Variants in CCDC91 observed in about 807,000 individuals in gnomAD.
CCDC91 encodes coiled-coil domain-containing protein 91.
CCDC91 carries 48 observed loss-of-function variants against 63.2 expected under a neutral mutation model. The ratio of observed to expected loss-of-function variants is 0.76; its 90% CI spans 0.60 to 0.97. The LOEUF (loss-of-function observed/expected upper bound fraction) is 0.97. Among genes scored for constraint, CCDC91 ranks in the 50% least tolerant of loss-of-function variants. CCDC91 has a pLI of 0.00. For synonymous variants in CCDC91, 167 were observed against 165.8 expected (o/e 1.01, Z -0.06); for missense variants, 500 against 494.6 (o/e 1.01, Z -0.10).
chr12:28,396,684 A>ATG (rs1319461387), intron 8 of CCDC91, among the ~76,000 whole-genome samples: 4 of 149,354 alleles, frequency 2.7e-5, no homozygotes, highest in Non-Finnish European at 4.5e-5. Context: ...GTGTGTGGGC[A>ATG]TGTGTGTGTG....
intron 1 of CCDC91, among the ~76,000 whole-genome samples, chr12:28,213,993 C>T (rs1943405234): frequency 1.3e-5 from 2 of 152,066 alleles, no homozygotes; most frequent in South Asian, 4.1e-4. Context: ...ATTCATGGAT[C>T]CAAGAATCAA....
At position 28,534,453 on chromosome 12, in the gene CCDC91, G is replaced by A. The variant is rs1941992240; in HGVS notation, c.1216-14610G>A. ...AGTAAGGTGAAGTTCTACAAGGCAA[G>A]GAAATGCCAGTCAAGCTTTCTTTGC... On this transcript the variant is annotated intron_variant, in intron 12 of 12. Transcript: ENST00000536442. Among the ~76,000 whole-genome samples the A allele has an allele frequency of 6.6e-5, 10 of 152,268 alleles. No homozygotes were observed. The South Asian group carries it at 2.1e-3, about 32-fold the overall frequency.
At chr12:28,265,904 C>G (rs903812229) in intron 3 of CCDC91, among the ~76,000 whole-genome samples, 1 of 151,998 alleles carries the variant, frequency 6.6e-6, no homozygotes, top group African/African-American at 2.4e-5. Context: ...TTACATTAGA[C>G]ATTTTTGTCA....
intron 6 of CCDC91, among the ~76,000 whole-genome samples, chr12:28,331,243 A>G (rs570076129): frequency 2.7e-4 from 41 of 152,342 alleles, no homozygotes; most frequent in Admixed American, 8.5e-4. Context: ...GCCCCACAGT[A>G]TGTTTAAATA....
chr12:28,307,836 AT>A, intron 6 of CCDC91, 87 bp downstream of exon 6: 1 of 716,988 alleles, frequency 1.4e-6, no homozygotes, highest in Non-Finnish European at 2.4e-6. Context: ...TGAATATCTT[AT>A]GAATGAAGAA....
At chr12:28,247,898 T>C (rs1202592517) in intron 1 of CCDC91, among the ~76,000 whole-genome samples, 2 of 152,184 alleles carry the variant, frequency 1.3e-5, no homozygotes, top group Non-Finnish European at 2.9e-5. Flanking sequence ...ATCCCTCATA[T>C]GCACAGTTCA....
chr12:28,341,666 T>C (rs1942434538), intron 6 of CCDC91, among the ~76,000 whole-genome samples: 1 of 152,198 alleles, frequency 6.6e-6, no homozygotes, highest in Admixed American at 6.5e-5. Context: ...TTGAAAACTA[T>C]AGTTCTGTGT....
chr12:28,254,264 A>G (rs1419575847), intron 1 of CCDC91, among the ~76,000 whole-genome samples: 4 of 152,200 alleles, frequency 2.6e-5, no homozygotes, highest in Non-Finnish European at 4.4e-5. Flanking sequence ...AATGAAGTAT[A>G]CACCTGTCTT....
intron 3 of CCDC91, among the ~76,000 whole-genome samples, chr12:28,271,252 G>A (rs1319818160): frequency 6.6e-6 from 1 of 152,008 alleles, no homozygotes; most frequent in East Asian, 1.9e-4. Context: ...TTAACTTTTG[G>A]CAATGTAGAT....
At chr12:28,298,644 A>T (rs1414688418) in intron 3 of CCDC91, among the ~76,000 whole-genome samples, 2 of 150,242 alleles carry the variant, frequency 1.3e-5, no homozygotes, top group Non-Finnish European at 3.0e-5. Flanking sequence ...CAATTTCATA[A>T]TTTTTCTTCT....
chr12:28,380,789 T>C lies in CCDC91; in HGVS notation c.655-10515T>C, dbSNP rs192252102. On this transcript the variant is annotated intron_variant, in intron 7 of 12. Coordinates refer to ENST00000536442, the MANE Select transcript of CCDC91 (RefSeq NM_018318.5). ...CAATATAATGTCAATTATTTAGTTT[T>C]TAGTCTTTCATTATTCTAATGAACT... Among the ~76,000 whole-genome samples the C allele has an allele frequency of 2.0e-5, 3 of 152,284 alleles. No individual in the cohort carries two copies. In the East Asian group the frequency reaches 5.8e-4, roughly 29 times the overall value.
intron 6 of CCDC91, among the ~76,000 whole-genome samples, chr12:28,342,383 A>G (rs1942491780): frequency 6.6e-6 from 1 of 152,190 alleles, no homozygotes; most frequent in Non-Finnish European, 1.5e-5. Context: ...AGCAATGGAA[A>G]ACTAATATAG....
At chr12:28,295,905 G>T (rs549906708) in intron 3 of CCDC91, among the ~76,000 whole-genome samples, 2 of 151,894 alleles carry the variant, frequency 1.3e-5, no homozygotes, top group Non-Finnish European at 2.9e-5. Context: ...CACTCAGTGT[G>T]AGCAAGAGTT....
chr12:28,368,614 A>C (rs552119318), intron 7 of CCDC91, among the ~76,000 whole-genome samples: 1 of 152,110 alleles, frequency 6.6e-6, no homozygotes, highest in Non-Finnish European at 1.5e-5. Context: ...TTTTTACTTC[A>C]TGCATTTTTT....
chr12:28,360,766 G>A (rs1165695421), intron 6 of CCDC91, among the ~76,000 whole-genome samples: 1 of 152,124 alleles, frequency 6.6e-6, no homozygotes, highest in African/African-American at 2.4e-5. Context: ...ATGGTAGGGA[G>A]TATTCCTTAT....
chr12:28,202,871 A>G (rs561573175), intron 1 of CCDC91, among the ~76,000 whole-genome samples: 10 of 152,186 alleles, frequency 6.6e-5, no homozygotes, highest in Non-Finnish European at 1.2e-4. Flanking sequence ...CCCAACTGTT[A>G]CTGCCACCTC....
intron 12 of CCDC91, among the ~76,000 whole-genome samples, chr12:28,486,614 C>T (rs1172986494): frequency 6.6e-6 from 1 of 151,944 alleles, no homozygotes; most frequent in African/African-American, 2.4e-5. Flanking sequence ...ATAAGAAGTG[C>T]CTATAATAAG....
chr12:28,371,242 A>G (rs1025866657), intron 7 of CCDC91, among the ~76,000 whole-genome samples: 2 of 152,166 alleles, frequency 1.3e-5, no homozygotes, highest in Non-Finnish European at 2.9e-5. Flanking sequence ...TTGGTGGGCA[A>G]GCAAGCATTA....
intron 8 of CCDC91, among the ~76,000 whole-genome samples, chr12:28,407,118 C>T (rs1409607473): frequency 6.6e-6 from 1 of 152,118 alleles, no homozygotes; most frequent in Admixed American, 6.6e-5. Flanking sequence ...CCTGCTTTTA[C>T]GATGTGATGT....
Sources: gnomAD v4.1 joint callset for allele counts (sites outside exome capture counted in the v4.1 genomes callset) on GRCh38, gnomAD v4.1.1 for gene constraint, MANE v1.5 for transcripts, NCBI Gene and HGNC (gene_info 2026-07-23, HGNC 2026-07-21) for gene names.